The following PALLD variants were observed in gnomAD, a reference collection of about 807,000 sequenced individuals.
The protein encoded by PALLD is palladin, cytoskeletal associated protein, also known as palladin.
In PALLD, 61 loss-of-function variants were observed where a neutral mutation model predicts 123.5. The observed-to-expected ratio is 0.49, with a 90% CI of 0.40 to 0.61. The LOEUF is 0.61. Ranked by LOEUF, PALLD falls within the 20% of genes least tolerant of loss-of-function variation. The probability of loss-of-function intolerance (pLI) is 0.00; values close to 1 mark genes in which losing one functional copy is unlikely to be tolerated. For synonymous variants in PALLD, 465 were observed against 496.4 expected (o/e 0.94, Z 0.84); for missense variants, 1,273 against 1,377.0 (o/e 0.92, Z 1.20).
intron 10 of PALLD, among the ~76,000 whole-genome samples, chr4:168,888,471 C>T (rs534084939): frequency 6.6e-6 from 1 of 152,296 alleles, no homozygotes; most frequent in Admixed American, 6.5e-5. Context: ...TCTTTTCAGT[C>T]TATCATCATT....
chr4:168,758,713 C>A (rs1010144134), intron 10 of PALLD, among the ~76,000 whole-genome samples: 11 of 151,936 alleles, frequency 7.2e-5, no homozygotes. Flanking sequence ...AAACTTGTAA[C>A]CACGAACAGT....
intron 2 of PALLD, among the ~76,000 whole-genome samples, chr4:168,642,547 G>A (rs1257665268): frequency 1.3e-5 from 2 of 152,116 alleles, no homozygotes; most frequent in East Asian, 1.9e-4. Context: ...GATTATAGGC[G>A]CCCGCCACCA....
intron 2 of PALLD, among the ~76,000 whole-genome samples, chr4:168,623,179 T>G (rs2723691): frequency 0.77 from 116,580 of 151,998 alleles, 44,901 homozygotes; most frequent in Admixed American, 0.86. Context: ...CATCTGTTTA[T>G]TGGGGATACC....
chr4:168,745,889 C>T (rs543402711), intron 10 of PALLD, among the ~76,000 whole-genome samples: 6 of 152,180 alleles, frequency 3.9e-5, no homozygotes, highest in Middle Eastern at 3.4e-3. Context: ...TAAAACTTTT[C>T]CAATTTTAAA....
At chr4:168,630,085 C>A (rs1580665482) in intron 2 of PALLD, among the ~76,000 whole-genome samples, 1 of 152,200 alleles carries the variant, frequency 6.6e-6, no homozygotes, top group Non-Finnish European at 1.5e-5. Context: ...TTCGCCCAGG[C>A]ATTTTAATTA....
At chr4:168,878,308 C>T (rs1313210220) in intron 10 of PALLD, 2 of 1,527,116 alleles carry the variant, frequency 1.3e-6, no homozygotes, top group South Asian at 2.4e-5. Flanking sequence ...GCCAGACGCC[C>T]GCGGCCTTCC....
intron 15 of PALLD, among the ~76,000 whole-genome samples, chr4:168,905,511 T>C (rs1464497752): frequency 2.0e-5 from 3 of 152,048 alleles, no homozygotes; most frequent in Admixed American, 2.0e-4. Context: ...TATTCTAATA[T>C]TCCATGGTCA....
chr4:168,677,176 G>GC (rs1780939127), intron 3 of PALLD, among the ~76,000 whole-genome samples: 2 of 145,360 alleles, frequency 1.4e-5, no homozygotes, highest in East Asian at 4.0e-4. Context: ...CCGTAGTGTT[G>GC]TTTTTTTTTT....
At chr4:168,797,787 A>AT (rs1738721994) in intron 10 of PALLD, among the ~76,000 whole-genome samples, 1 of 152,086 alleles carries the variant, frequency 6.6e-6, no homozygotes, top group Non-Finnish European at 1.5e-5. Flanking sequence ...GTTTGTTGTT[A>AT]TACCGATTGC....
rs186421929 is a variant in PALLD, at chr4:168,877,827, C to A, written c.1965-13095C>A. On this transcript the variant is annotated intron_variant, in intron 10 of 21. Transcript: ENST00000505667. Reference sequence around the variant, plus strand: ...CCGCGCAGCGCGCCGCCCTCGCCCCCCTTCCCGCCGCCGCCCGCCTTCCCC... The same window carrying A: ...CCGCGCAGCGCGCCGCCCTCGCCCCACTTCCCGCCGCCGCCCGCCTTCCCC... 1,810 of 1,306,594 alleles carry A rather than the reference C, an allele frequency of 1.4e-3. 31 individuals carry two copies. The East Asian group carries it at 0.042, about 31-fold the overall frequency. 80.9% of individuals were successfully genotyped at this position (1,306,594 alleles called of 1,614,324 possible).
chr4:168,562,859 C>T (rs1014217121), intron 2 of PALLD, among the ~76,000 whole-genome samples: 6 of 152,070 alleles, frequency 3.9e-5, no homozygotes, highest in African/African-American at 1.4e-4. Context: ...GAAGAGTGAT[C>T]TAAGTTTTGT....
intron 10 of PALLD, among the ~76,000 whole-genome samples, chr4:168,717,077 A>G (rs916107498): frequency 3.3e-5 from 5 of 152,126 alleles, no homozygotes; most frequent in African/African-American, 1.2e-4. Flanking sequence ...CGCATACCAC[A>G]TAATTATTTC....
At chr4:168,818,019 C>T (rs988631975) in intron 10 of PALLD, among the ~76,000 whole-genome samples, 1 of 152,188 alleles carries the variant, frequency 6.6e-6, no homozygotes, top group Admixed American at 6.5e-5. Context: ...CAAAGATTGA[C>T]CACGGCATGT....
intron 2 of PALLD, among the ~76,000 whole-genome samples, chr4:168,577,922 G>A (rs1158209950): frequency 6.6e-6 from 1 of 151,876 alleles, no homozygotes; most frequent in Non-Finnish European, 1.5e-5. Flanking sequence ...TTCGATAAGA[G>A]AGGACACATG....
At chr4:168,712,088 A>G in intron 10 of PALLD, 165 bp downstream of exon 10, 1 of 654,274 alleles carries the variant, frequency 1.5e-6, no homozygotes. Flanking sequence ...AGACACCTAA[A>G]AATAAAGAAG....
chr4:168,634,900 G>A (rs557830756), intron 2 of PALLD, among the ~76,000 whole-genome samples: 1 of 152,080 alleles, frequency 6.6e-6, no homozygotes, highest in Non-Finnish European at 1.5e-5. Context: ...GCGAAGAGCT[G>A]TACTCCCTAT....
intron 2 of PALLD, among the ~76,000 whole-genome samples, chr4:168,548,057 C>A (rs1021039020): frequency 1.3e-4 from 20 of 148,676 alleles, no homozygotes; most frequent in Non-Finnish European, 2.3e-4. Flanking sequence ...AACAAACAAA[C>A]AAAAAAGTCT....
At chr4:168,680,556 A>T (rs564931914) in intron 3 of PALLD, among the ~76,000 whole-genome samples, 1 of 151,580 alleles carries the variant, frequency 6.6e-6, no homozygotes, top group African/African-American at 2.4e-5. Context: ...GGTATTTGGG[A>T]ATGGCATTTA....
chr4:168,607,638 G>A (rs1020254374), intron 2 of PALLD, among the ~76,000 whole-genome samples: 10 of 152,062 alleles, frequency 6.6e-5, no homozygotes, highest in Non-Finnish European at 1.3e-4. Flanking sequence ...TAACAATTGA[G>A]GAAAGAGAAA....
Sources: gnomAD v4.1 joint callset for allele counts (sites outside exome capture counted in the v4.1 genomes callset) on GRCh38, gnomAD v4.1.1 for gene constraint, MANE v1.5 for transcripts, NCBI Gene and HGNC (gene_info 2026-07-23, HGNC 2026-07-21) for gene names.